SREBF2: variants seen among roughly 807,000 people sequenced by gnomAD.
SREBF2 encodes sterol regulatory element-binding protein 2.
In SREBF2, 55 loss-of-function variants were observed where a neutral mutation model predicts 113.1. The ratio of observed to expected loss-of-function variants is 0.49; its 90% CI spans 0.39 to 0.61. The LOEUF (loss-of-function observed/expected upper bound fraction) is 0.61, where lower values mean the gene tolerates loss of function less well. Ranked by LOEUF, SREBF2 falls within the 20% of genes least tolerant of loss-of-function variation. SREBF2 has a pLI of 0.00. For missense variants in SREBF2, 1,349 were observed against 1,487.4 expected (o/e 0.91, Z 1.53); for synonymous variants, 593 against 605.7 (o/e 0.98, Z 0.31).
intron 17 of SREBF2, among the ~76,000 whole-genome samples, chr22:41,904,222 C>T (rs927144907): frequency 1.3e-5 from 2 of 152,172 alleles, no homozygotes; most frequent in East Asian, 1.9e-4. Context: ...CTGCTCCCTG[C>T]TGAGAGCCCA....
chr22:41,842,095 A>G (rs2076835632), intron 1 of SREBF2, among the ~76,000 whole-genome samples: 1 of 152,212 alleles, frequency 6.6e-6, no homozygotes, highest in Admixed American at 6.5e-5. Context: ...GCAAATTACT[A>G]TGGTGATTGG....
At chr22:41,841,840 G>T (rs2076833074) in intron 1 of SREBF2, among the ~76,000 whole-genome samples, 1 of 152,206 alleles carries the variant, frequency 6.6e-6, no homozygotes, top group Non-Finnish European at 1.5e-5. Context: ...AGTAGTTGAG[G>T]TGTAATAGCC....
intron 1 of SREBF2, among the ~76,000 whole-genome samples, chr22:41,841,832 T>C (rs559181644): frequency 4.4e-4 from 67 of 152,352 alleles, no homozygotes; most frequent in Admixed American, 1.4e-3. Flanking sequence ...TATGTTGAAG[T>C]AGTTGAGGTG....
intron 5 of SREBF2, among the ~76,000 whole-genome samples, chr22:41,874,922 A>G (rs565069184): frequency 6.6e-6 from 1 of 152,286 alleles, no homozygotes; most frequent in African/African-American, 2.4e-5. Context: ...AAAAGAAAAA[A>G]AAAAAGATAA....
chr22:41,897,496 A>G (rs1353955857), intron 14 of SREBF2, among the ~76,000 whole-genome samples: 1 of 152,188 alleles, frequency 6.6e-6, no homozygotes, highest in Non-Finnish European at 1.5e-5. Flanking sequence ...TTTCAGATGC[A>G]CAGTGGCCCC....
At position 41,833,979 on chromosome 22, in the gene SREBF2, C is replaced by T. The variant is rs2076743946; in HGVS notation, c.88+621C>T. The T allele has an allele frequency of 6.5e-6, 1 of 152,720 alleles. No individual in the cohort carries two copies. Among genetic ancestry groups the T allele is most frequent in the Non-Finnish European group, 1.5e-5 (1 of 68,102 alleles). 9.5% of individuals were successfully genotyped at this position (152,720 alleles called of 1,614,324 possible). ...GGAGACCCGGGCGCTCCTGCTGTCA[C>T]GCTGCAAGGGGAATTGAGCAGAAGA... On this transcript the variant is annotated intron_variant, in intron 1 of 18. Coordinates refer to ENST00000361204, the MANE Select transcript of SREBF2 (RefSeq NM_004599.4). The surrounding 1 kb of genome is among the most constrained non-coding windows in gnomAD (Gnocchi z 4.1).
chr22:41,905,555 C>G lies in SREBF2; in HGVS notation c.3321C>G (p.Ala1107=). Residue 1107 remains alanine, a synonymous_variant, in exon 19 of 19, where the codon GCC becomes GCG. Transcript: ENST00000361204. ...CGGGCCAGCGGGCAGTGCTGCTGGC[C>G]GAAGCTGCCCGCACCCTGGAGAAGG... ...SSPGQRAVLL[A]EAARTLEKVG... 6.3e-7 allele frequency: 1 copy of G among 1,592,274 alleles called. No homozygotes were observed. Among genetic ancestry groups the G allele is most frequent in the Non-Finnish European group, 8.5e-7 (1 of 1,170,106 alleles).
chr22:41,860,228 T>C (rs1394968557), intron 1 of SREBF2, among the ~76,000 whole-genome samples: 7 of 150,284 alleles, frequency 4.7e-5, no homozygotes. Context: ...ATCTGGAAGT[T>C]TTTTAAATCA....
intron 12 of SREBF2, among the ~76,000 whole-genome samples, chr22:41,893,702 T>A (rs1438621882): frequency 6.6e-6 from 1 of 152,040 alleles, no homozygotes; most frequent in Non-Finnish European, 1.5e-5. Context: ...ATGGAGAGTT[T>A]GGGAACAATA....
intron 11 of SREBF2, among the ~76,000 whole-genome samples, chr22:41,890,671 A>AT (rs1251979459): frequency 2.8e-5 from 4 of 144,412 alleles, no homozygotes; most frequent in Non-Finnish European, 5.9e-5. Flanking sequence ...CTTAAAAAAA[A>AT]ATTTTTTTTT....
rs1405619501 is a variant in SREBF2 at position 41,897,142 on chromosome 22, C to T, written c.2586C>T (p.Ser862=). 5 of 1,611,524 alleles carry T rather than the reference C, an allele frequency of 3.1e-6. No individual in the cohort carries two copies. The highest frequency in any genetic ancestry group is 2.2e-5 in the South Asian group (2 of 90,792). The part of the protein sequence containing the change: ...GVMSPPLSRS[S]VLKSALGPDI... Reference sequence around the variant, plus strand: ...TGAGCCCCCCACTCTCCAGGAGCTCCGTGCTCAAGTCCGCCCTGGGTAAGC... The same window carrying T: ...TGAGCCCCCCACTCTCCAGGAGCTCTGTGCTCAAGTCCGCCCTGGGTAAGC... Residue 862 remains serine (S), a synonymous_variant, in exon 14 of 19, where the codon TCC becomes TCT. Coordinates refer to ENST00000361204, the MANE Select transcript of SREBF2 (RefSeq NM_004599.4).
chr22:41,904,062 T>C lies in SREBF2; in HGVS notation c.3094-801T>C, dbSNP rs77564257. On this transcript the variant is annotated intron_variant, in intron 17 of 18. Coordinates refer to ENST00000361204, the MANE Select transcript of SREBF2 (RefSeq NM_004599.4). ...GGCATCAGTGGCCTTTTTTTCATAA[T>C]AGATGGGGTCTTGCTATGTGGCCCA... 2.8e-3 allele frequency among the ~76,000 whole-genome samples: 433 copies of C among 152,336 alleles called. 2 individuals are homozygous for C. The highest frequency in any genetic ancestry group is 8.7e-3 in the African/African-American group (363 of 41,570).
Position 41,853,939 on chromosome 22 carries a change from G to A in SREBF2, c.89-12892G>A, listed in dbSNP as rs541952050. 4.0e-3 allele frequency among the ~76,000 whole-genome samples: 607 copies of A among 151,512 alleles called. 4 individuals carry two copies. Among genetic ancestry groups the A allele is most frequent in the African/African-American group, 0.014 (589 of 41,292 alleles). On this transcript the variant is annotated intron_variant, in intron 1 of 18. Transcript: ENST00000361204. Reference sequence around the variant, plus strand: ...AGTCCCAGCTACTCGGGAGGCTGAGGCAGGAGAATGGCGTGAACCCGGGAG... The same window carrying A: ...AGTCCCAGCTACTCGGGAGGCTGAGACAGGAGAATGGCGTGAACCCGGGAG...
At chr22:41,855,107 CAT>C (rs2076966264) in intron 1 of SREBF2, among the ~76,000 whole-genome samples, 1 of 150,972 alleles carries the variant, frequency 6.6e-6, no homozygotes, top group Non-Finnish European at 1.5e-5. Context: ...ATCATGAGCA[CAT>C]GTCAGAAATT....
chr22:41,837,131 T>TG (rs2076783590), intron 1 of SREBF2, among the ~76,000 whole-genome samples: 1 of 152,088 alleles, frequency 6.6e-6, no homozygotes. Context: ...GTGAGCAAAA[T>TG]AAAATTGGGC....
chr22:41,873,974 C>T lies in SREBF2; in HGVS notation c.1044C>T (p.Asp348=). 6.2e-7 allele frequency: 1 copy of T among 1,614,146 alleles called. No homozygotes were observed. Among genetic ancestry groups the T allele is most frequent in the Non-Finnish European group, 8.5e-7 (1 of 1,180,040 alleles). Residue 348 remains aspartate, a synonymous_variant, in exon 5 of 19, where the codon GAC becomes GAT. Coordinates refer to ENST00000361204, the MANE Select transcript of SREBF2 (RefSeq NM_004599.4). The stretch of plus-strand genomic sequence containing the variant: ...AACGATATCGCTCCTCCATCAATGA[C>T]AAAATCATCGAATTGAAAGACCTGG... The part of the protein sequence containing the change: ...IEKRYRSSIN[D]KIIELKDLVM...
chr22:41,905,210 GGCATAGAAGCAGAA>G (rs1438134292), intron 18 of SREBF2, among the ~76,000 whole-genome samples: 2 of 152,342 alleles, frequency 1.3e-5, no homozygotes, highest in African/African-American at 4.8e-5. Flanking sequence ...CACAGGTGCA[GGCATAGAAGCAGAA>G]GCTCGAGCCA....
At chr22:41,852,669 C>T (rs945754497) in intron 1 of SREBF2, among the ~76,000 whole-genome samples, 2 of 147,578 alleles carry the variant, frequency 1.4e-5, no homozygotes, top group African/African-American at 5.0e-5. Flanking sequence ...GCTTCTTCAT[C>T]AATTGATGAA....
chr22:41,873,992 A>G lies in SREBF2; in HGVS notation c.1062A>G (p.Lys354=), dbSNP rs765755839. 13 of 1,614,072 alleles carry G rather than the reference A, an allele frequency of 8.1e-6. No homozygotes were observed. The highest frequency in any genetic ancestry group is 9.3e-6 in the Non-Finnish European group (11 of 1,180,034). The change falls in exon 5 of 19, where the codon AAA becomes AAG. Residue 354 remains lysine, a synonymous_variant. Transcript: ENST00000361204. The part of the protein sequence containing the change: ...SSINDKIIEL[K]DLVMGTDAKM... ...TCAATGACAAAATCATCGAATTGAA[A>G]GACCTGGTCATGGGGACAGACGCCA...
Sources: allele counts gnomAD v4.1 joint callset (sites outside exome capture counted in the v4.1 genomes callset), GRCh38; gene constraint gnomAD v4.1.1; non-coding constraint Gnocchi (gnomAD v3.1); transcripts MANE v1.5; gene names NCBI Gene and HGNC (gene_info 2026-07-23, HGNC 2026-07-21).